Variants in WNK1 observed in about 807,000 individuals in gnomAD.
WNK1 encodes WNK lysine deficient protein kinase 1, also known as serine/threonine-protein kinase WNK1.
Under a neutral mutation model 222.8 loss-of-function variants are expected in WNK1, and 38 were observed. The observed-to-expected ratio is 0.17, with a 90% confidence interval of 0.13 to 0.22. WNK1 has a LOEUF of 0.22. Ranked by LOEUF, WNK1 falls within the 10% of genes least tolerant of loss-of-function variation. The probability of loss-of-function intolerance (pLI) is 1.00; values close to 1 mark genes in which losing one functional copy is unlikely to be tolerated. For synonymous variants in WNK1, 1,090 were observed against 1,092.9 expected (o/e 1.00, Z 0.05); for missense variants, 2,348 against 2,918.4 (o/e 0.80, Z 4.50).
rs1207044785 is a variant in WNK1 at position 757,339 on chromosome 12, AAAAAAG to A, written c.759+3017_759+3022del. On this transcript the variant is annotated intron_variant, in intron 1 of 27. Transcript: ENST00000315939. ...TTTTTTTTTTTTTTTTTTTTAAAAAAAAAAAGAGACGGAGTCTTGCTCTATCTCCAG... is the reference window on the plus strand; with the variant it reads ...TTTTTTTTTTTTTTTTTTTTAAAAAAAGACGGAGTCTTGCTCTATCTCCAG... 3.9e-4 allele frequency among the ~76,000 whole-genome samples: 47 copies of A among 121,234 alleles called. No homozygotes were observed. In the South Asian group the frequency reaches 0.013, roughly 34 times the overall value. 79.5% of individuals were successfully genotyped at this position (121,234 alleles called of 152,430 possible).
chr12:779,672 G>T (rs1252355296), intron 1 of WNK1, among the ~76,000 whole-genome samples: 1 of 151,996 alleles, frequency 6.6e-6, no homozygotes, highest in Non-Finnish European at 1.5e-5. Flanking sequence ...AAAGTGCTGG[G>T]ATTACAGGCG....
intron 2 of WNK1, among the ~76,000 whole-genome samples, chr12:819,011 A>C (rs1212558043): frequency 6.6e-6 from 1 of 152,118 alleles, no homozygotes; most frequent in Non-Finnish European, 1.5e-5. Flanking sequence ...GTCATGTGGA[A>C]ATCTTTGTTT....
At chr12:868,320 A>C (rs774145365) in intron 8 of WNK1, 1 of 1,612,924 alleles carries the variant, frequency 6.2e-7, no homozygotes, top group South Asian at 1.1e-5. Context: ...GCAGAACAGT[A>C]TGAGGGCATT....
At chr12:777,394 G>C (rs1387175869) in intron 1 of WNK1, among the ~76,000 whole-genome samples, 1 of 152,056 alleles carries the variant, frequency 6.6e-6, no homozygotes, top group Non-Finnish European at 1.5e-5. Context: ...TCCTGAGGTA[G>C]TGATGTGCCT....
intron 1 of WNK1, among the ~76,000 whole-genome samples, chr12:789,421 A>G (rs989090209): frequency 6.6e-6 from 1 of 152,150 alleles, no homozygotes; most frequent in African/African-American, 2.4e-5. Flanking sequence ...AATAAATGGT[A>G]CACACTGCTA....
At chr12:754,474 G>A in intron 1 of WNK1, 150 bp downstream of exon 1, 2 of 945,250 alleles carry the variant, frequency 2.1e-6, no homozygotes, top group Non-Finnish European at 3.4e-6. Context: ...CTGAAATTAG[G>A]AGAATGTGGA....
At chr12:794,750 ATATT>A (rs1279650166) in intron 1 of WNK1, among the ~76,000 whole-genome samples, 13 of 152,038 alleles carry the variant, frequency 8.6e-5, no homozygotes, top group Admixed American at 8.5e-4. Context: ...TTCTTTTAAA[ATATT>A]TATGTATTCA....
At chr12:759,774 T>A (rs939711218) in intron 1 of WNK1, among the ~76,000 whole-genome samples, 1 of 148,060 alleles carries the variant, frequency 6.8e-6, no homozygotes, top group Non-Finnish European at 1.5e-5. Flanking sequence ...CTCAGCTACA[T>A]AATTGTGTCA....
Position 900,596 on chromosome 12 carries a change from C to A in WNK1, c.6569C>A (p.Ser2190Tyr). The A allele has an allele frequency of 6.2e-7, 1 of 1,614,258 alleles. No homozygotes were observed. The highest frequency in any genetic ancestry group is 8.5e-7 in the Non-Finnish European group (1 of 1,180,048). Residue 2190 changes from serine to tyrosine, a missense_variant, in exon 26 of 28, where the codon TCC (serine) becomes TAC (tyrosine). Transcript: ENST00000315939. ...QLLQPLKPSP[S>Y]SDNLYSAFTS... is the part of the protein sequence containing the mutation. ...TTACAGCCCCTTAAGCCATCTCCCT[C>A]CAGTGACAACCTCTATTCAGCCTTC... is the stretch of plus-strand genomic sequence containing the variant.
rs1463173002 is a variant in WNK1 at position 813,509 on chromosome 12, T to C, written c.760-133T>C. 3.3e-6 allele frequency: 3 copies of C among 901,962 alleles called. No homozygotes were observed. The African/African-American group carries it at 5.0e-5, about 15-fold the overall frequency. 55.9% of individuals were successfully genotyped at this position (901,962 alleles called of 1,614,324 possible). ...GAATGTATATAATCCAAATCTATCA[T>C]TTATAACTTCAGCATTTGCATTTTT... On this transcript the variant is annotated intron_variant, in intron 1 of 27. Transcript: ENST00000315939.
At chr12:881,285 C>G (rs1482416224) in intron 12 of WNK1, among the ~76,000 whole-genome samples, 1 of 152,194 alleles carries the variant, frequency 6.6e-6, no homozygotes, top group Admixed American at 6.5e-5. Flanking sequence ...CTTTCACAAA[C>G]TTTTTCCATT....
At chr12:876,893 C>T (rs1408021566) in intron 9 of WNK1, among the ~76,000 whole-genome samples, 5 of 151,930 alleles carry the variant, frequency 3.3e-5, no homozygotes, top group African/African-American at 9.7e-5. Flanking sequence ...ATGCACCAAA[C>T]GACTAATAGT....
intron 4 of WNK1, 126 bp downstream of exon 4, chr12:830,286 G>C (rs1186545743): frequency 5.5e-6 from 6 of 1,082,548 alleles, no homozygotes; most frequent in Non-Finnish European, 6.9e-6. Flanking sequence ...TGTTGGGGTT[G>C]GGGGGGTGGT....
chr12:910,035 C>A lies in WNK1; in HGVS notation c.*1243C>A, dbSNP rs188814667. 5 of 151,812 alleles carry A rather than the reference C, an allele frequency of 3.3e-5. No homozygotes were observed. Among genetic ancestry groups the A allele is most frequent in the African/African-American group, 1.2e-4 (5 of 41,270 alleles). The allele number at this position is 151,812 out of a possible 1,614,324, so 9.4% of individuals were successfully genotyped here. On this transcript the variant is annotated 3_prime_UTR_variant, in exon 28 of 28. Transcript: ENST00000315939. ...AAAGACTAAAGAATGAGGAAACAAA[C>A]GTGATGCCTGGCCAGTGACTGTCAT...
intron 1 of WNK1, among the ~76,000 whole-genome samples, chr12:791,299 C>T (rs1387807714): frequency 1.3e-5 from 2 of 150,548 alleles, no homozygotes; most frequent in Non-Finnish European, 3.0e-5. Context: ...TTCCTTATAA[C>T]TAAGAAAAAG....
chr12:876,668 C>T (rs906805196), intron 9 of WNK1, among the ~76,000 whole-genome samples: 5 of 152,068 alleles, frequency 3.3e-5, no homozygotes, highest in Non-Finnish European at 2.9e-5. Flanking sequence ...CCAGCACATA[C>T]GTAAAAGGCT....
At chr12:862,045 C>T in intron 7 of WNK1, 38 bp from the exon 8 acceptor site, 8 of 1,609,644 alleles carry the variant, frequency 5.0e-6, no homozygotes, top group Non-Finnish European at 6.8e-6. Flanking sequence ...ATTTGTCTTT[C>T]TCTCTCTCTT....
chr12:864,110 G>GTTTTTT (rs372936466), intron 8 of WNK1, among the ~76,000 whole-genome samples: 1 of 124,578 alleles, frequency 8.0e-6, no homozygotes, highest in African/African-American at 3.0e-5. Flanking sequence ...ATTTTTTTAA[G>GTTTTTT]TTTTTTTTTT....
At chr12:860,911 A>G (rs760248658) in intron 6 of WNK1, 102 bp from the exon 7 acceptor site, 23 of 997,770 alleles carry the variant, frequency 2.3e-5, no homozygotes, top group Non-Finnish European at 3.0e-5. Context: ...CCTCTTCTCT[A>G]CTTTTTTTAC....
Sources: gnomAD v4.1 joint callset for allele counts (sites outside exome capture counted in the v4.1 genomes callset) on GRCh38, gnomAD v4.1.1 for gene constraint, MANE v1.5 for transcripts, NCBI Gene and HGNC (gene_info 2026-07-23, HGNC 2026-07-21) for gene names.